The following RABGAP1L variants were observed in gnomAD, a reference collection of about 807,000 sequenced individuals.
RABGAP1L encodes the protein rab GTPase-activating protein 1-like.
In RABGAP1L, 63 loss-of-function variants were observed where a neutral mutation model predicts 137.7. That is an observed-to-expected ratio of 0.46 (90% CI 0.37 to 0.56). The LOEUF (loss-of-function observed/expected upper bound fraction) is 0.56, where lower values mean the gene tolerates loss of function less well. RABGAP1L is among the 20% of genes least tolerant of loss of function. RABGAP1L has a pLI of 0.00. For synonymous variants in RABGAP1L, 431 were observed against 433.7 expected (o/e 0.99, Z 0.08); for missense variants, 1,095 against 1,244.0 (o/e 0.88, Z 1.80).
intron 13 of RABGAP1L, among the ~76,000 whole-genome samples, chr1:174,613,387 T>G (rs1311090722): frequency 6.6e-6 from 1 of 152,168 alleles, no homozygotes; most frequent in Non-Finnish European, 1.5e-5. Flanking sequence ...TTCTTAATCC[T>G]GAGTTCTAGT....
At chr1:174,946,732 C>T (rs1370883666) in intron 19 of RABGAP1L, among the ~76,000 whole-genome samples, 1 of 151,214 alleles carries the variant, frequency 6.6e-6, no homozygotes, top group Non-Finnish European at 1.5e-5. Flanking sequence ...AAAACCCCAT[C>T]TCTACTAAAA....
Position 174,278,605 on chromosome 1 carries a change from T to C in RABGAP1L, c.1157-8T>C, listed in dbSNP as rs1403030176. On this transcript the variant is annotated splice_region_variant and splice_polypyrimidine_tract_variant and intron_variant, in intron 9 of 25. Coordinates refer to ENST00000681986, the MANE Select transcript of RABGAP1L (RefSeq NM_001366446.1). ...GCTCGCATAAAACCCAGAAAATTTCTACTACAGATAAGCAAGTATACATGA... is the reference window on the plus strand; with the variant it reads ...GCTCGCATAAAACCCAGAAAATTTCCACTACAGATAAGCAAGTATACATGA... 6.3e-7 allele frequency: 1 copy of C among 1,599,498 alleles called. No homozygotes were observed. Among genetic ancestry groups the C allele is most frequent in the Non-Finnish European group, 8.5e-7 (1 of 1,175,492 alleles).
chr1:174,340,869 A>T (rs1681913714), intron 11 of RABGAP1L, among the ~76,000 whole-genome samples: 1 of 152,214 alleles, frequency 6.6e-6, no homozygotes, highest in Non-Finnish European at 1.5e-5. Flanking sequence ...CAATGGTTGA[A>T]ATAATTTCTC....
intron 14 of RABGAP1L, among the ~76,000 whole-genome samples, chr1:174,642,744 CCT>C: frequency 7.2e-6 from 1 of 137,998 alleles, no homozygotes; most frequent in South Asian, 2.5e-4. Flanking sequence ...CCCCTCTCCC[CCT>C]CTCCCCTTCT....
chr1:174,268,674 T>G (rs1458709950), intron 7 of RABGAP1L, among the ~76,000 whole-genome samples: 1 of 152,182 alleles, frequency 6.6e-6, no homozygotes, highest in African/African-American at 2.4e-5. Flanking sequence ...TGCAGGACAT[T>G]AATACAACAT....
At chr1:174,673,221 G>C (rs1257563804) in intron 14 of RABGAP1L, among the ~76,000 whole-genome samples, 1 of 152,140 alleles carries the variant, frequency 6.6e-6, no homozygotes, top group African/African-American at 2.4e-5. Context: ...GATCTTTCAA[G>C]ATTAGGCAGA....
chr1:174,852,364 G>T (rs191881204), intron 19 of RABGAP1L, among the ~76,000 whole-genome samples: 52 of 152,296 alleles, frequency 3.4e-4, no homozygotes, highest in African/African-American at 1.2e-3. Context: ...GTGACTCTCT[G>T]TTACTGAGTT....
chr1:174,866,490 A>T (rs552204118), intron 19 of RABGAP1L, among the ~76,000 whole-genome samples: 18 of 152,332 alleles, frequency 1.2e-4, no homozygotes, highest in Non-Finnish European at 2.6e-4. Flanking sequence ...ATGTTGCCTC[A>T]ATTCACATGA....
intron 19 of RABGAP1L, among the ~76,000 whole-genome samples, chr1:174,816,042 T>C (rs1690358543): frequency 6.6e-6 from 1 of 152,114 alleles, no homozygotes; most frequent in Admixed American, 6.5e-5. Context: ...TTGCAGAGCT[T>C]CTTAAACTTG....
chr1:174,451,720 G>A (rs984766992), intron 13 of RABGAP1L, among the ~76,000 whole-genome samples: 3 of 151,748 alleles, frequency 2.0e-5, no homozygotes, highest in African/African-American at 4.8e-5. Context: ...TTTTCTCATC[G>A]TAAGTCTTTT....
intron 19 of RABGAP1L, among the ~76,000 whole-genome samples, chr1:174,874,124 T>A (rs1057347496): frequency 1.3e-5 from 2 of 152,188 alleles, no homozygotes; most frequent in Non-Finnish European, 2.9e-5. Context: ...TTAAAAATCA[T>A]TGGAGATATT....
intron 19 of RABGAP1L, among the ~76,000 whole-genome samples, chr1:174,849,200 C>T (rs562164554): frequency 1.5e-3 from 223 of 152,084 alleles, no homozygotes; most frequent in African/African-American, 4.9e-3. Context: ...GCGTGGCTCA[C>T]GCTGGGAGCT....
chr1:174,497,905 A>G (rs1409194834), intron 13 of RABGAP1L, among the ~76,000 whole-genome samples: 1 of 144,240 alleles, frequency 6.9e-6, no homozygotes, highest in African/African-American at 3.0e-5. Context: ...AGTAGCTCTG[A>G]CAGTGACTGT....
chr1:174,628,753 A>C (rs1016390731), intron 13 of RABGAP1L, among the ~76,000 whole-genome samples: 1 of 152,154 alleles, frequency 6.6e-6, no homozygotes, highest in African/African-American at 2.4e-5. Context: ...GTTGTGGAGC[A>C]ATTTATGCGT....
At chr1:174,840,828 A>AT (rs1491144354) in intron 19 of RABGAP1L, among the ~76,000 whole-genome samples, 9 of 26,038 alleles carry the variant, frequency 3.5e-4, no homozygotes, top group African/African-American at 4.2e-4. Context: ...AAAAAAAAAT[A>AT]AAAAAAAAAA....
chr1:174,272,286 GAA>G, intron 7 of RABGAP1L, 126 bp from the exon 8 acceptor site: 1 of 892,412 alleles, frequency 1.1e-6, no homozygotes, highest in African/African-American at 1.8e-5. Context: ...GGTGTTTTTA[GAA>G]AAAAAACTAA....
chr1:174,537,817 T>C (rs569233914), intron 13 of RABGAP1L, among the ~76,000 whole-genome samples: 1 of 152,318 alleles, frequency 6.6e-6, no homozygotes, highest in African/African-American at 2.4e-5. Context: ...TTTTCAACTC[T>C]AAAATCTTCC....
In RABGAP1L at chr1:174,704,811, A is replaced by C. The variant is rs534923905; in HGVS notation, c.2169+2555A>C. On this transcript the variant is annotated intron_variant, in intron 17 of 25. Transcript: ENST00000681986. ...ACCAAAAACTCTACCTGATTATCCA[A>C]ATTGGTGTAGTGAACAGTTCCAACT... is the stretch of plus-strand genomic sequence containing the variant. 1.9e-4 allele frequency among the ~76,000 whole-genome samples: 29 copies of C among 152,268 alleles called. No individual in the cohort carries two copies. The South Asian group carries it at 5.8e-3, about 30-fold the overall frequency.
In RABGAP1L at chr1:174,305,080, C is replaced by A. The variant is rs756865199; in HGVS notation, c.1418C>A (p.Thr473Asn). The A allele has an allele frequency of 6.4e-6, 10 of 1,555,208 alleles. No homozygotes were observed. The highest frequency in any genetic ancestry group is 1.7e-6 in the Non-Finnish European group (2 of 1,157,588). Reference sequence around the variant, plus strand: ...GACAAGGAGGAACCAGTCACTCCTACTAGTGGAGGGGGTCCAATGTCACCC... The same window carrying A: ...GACAAGGAGGAACCAGTCACTCCTAATAGTGGAGGGGGTCCAATGTCACCC... ...ESDKEEPVTP[T>N]SGGGPMSPQD... is the part of the protein sequence containing the mutation. Residue 473 changes from threonine (T) to asparagine (N), a missense_variant, in exon 11 of 26, where the codon ACT becomes AAT. By Grantham distance (65) the Thr-to-Asn change is moderately conservative. Around this residue, in one of 4 missense-constraint regions of RABGAP1L, gnomAD observed 315 missense variants for 324.8 expected, o/e 0.97. Coordinates refer to ENST00000681986, the MANE Select transcript of RABGAP1L (RefSeq NM_001366446.1).
Sources: gnomAD v4.1 joint callset for allele counts (sites outside exome capture counted in the v4.1 genomes callset) on GRCh38, gnomAD v4.1.1 for gene constraint, gnomAD v4.1.1 regional missense constraint, MANE v1.5 for transcripts, NCBI Gene and HGNC (gene_info 2026-07-23, HGNC 2026-07-21) for gene names.